Variants in FHIT observed in about 807,000 individuals in gnomAD.
FHIT encodes fragile histidine triad diadenosine triphosphatase.
A neutral mutation model predicts 17.9 loss-of-function variants in FHIT; 19 were observed. That is an observed-to-expected ratio of 1.06 (90% CI 0.74 to 1.56). The LOEUF is 1.56. FHIT is among the 40% of genes most tolerant of loss of function. The pLI is 0.00. For synonymous variants in FHIT, 81 were observed against 69.7 expected, an observed-to-expected ratio of 1.16 and a Z score of -0.81; for missense variants, 248 against 189.2, an observed-to-expected ratio of 1.31 and a Z score of -1.82.
intron 5 of FHIT, among the ~76,000 whole-genome samples, chr3:60,138,948 G>A (rs1048851625): frequency 5.3e-5 from 8 of 152,050 alleles, no homozygotes; most frequent in South Asian, 2.1e-4. Context: ...CAAAATAAAC[G>A]CTCTATCCAC....
chr3:60,119,587 T>C (rs754853327), intron 5 of FHIT, among the ~76,000 whole-genome samples: 1 of 152,042 alleles, frequency 6.6e-6, no homozygotes, highest in South Asian at 2.1e-4. Context: ...TTCTATGAAT[T>C]AATTTTGTCC....
chr3:59,794,891 A>C (rs1358915044), intron 8 of FHIT, among the ~76,000 whole-genome samples: 1 of 152,186 alleles, frequency 6.6e-6, no homozygotes, highest in Non-Finnish European at 1.5e-5. Flanking sequence ...TAGACTCTGC[A>C]GTTAAACCTC....
chr3:60,531,523 C>T (rs138912673), intron 5 of FHIT, among the ~76,000 whole-genome samples: 18,054 of 151,966 alleles, frequency 0.12, 1,376 homozygotes, highest in African/African-American at 0.22. Flanking sequence ...CGTGATCCGC[C>T]CGCCTCGGCC....
chr3:60,312,089 T>C (rs1367837443), intron 5 of FHIT, among the ~76,000 whole-genome samples: 1 of 152,186 alleles, frequency 6.6e-6, no homozygotes, highest in African/African-American at 2.4e-5. Context: ...CACTGTTTGG[T>C]GAAACCTTTA....
At chr3:60,503,698 A>T (rs2034612328) in intron 5 of FHIT, among the ~76,000 whole-genome samples, 1 of 152,238 alleles carries the variant, frequency 6.6e-6, no homozygotes, top group South Asian at 2.1e-4. Flanking sequence ...CATTAACTTT[A>T]AACAATAAGA....
intron 3 of FHIT, among the ~76,000 whole-genome samples, chr3:60,913,978 G>T (rs1051895830): frequency 6.6e-6 from 1 of 152,172 alleles, no homozygotes; most frequent in Non-Finnish European, 1.5e-5. Flanking sequence ...TCTGTTGATC[G>T]AATTGAGTCA....
intron 4 of FHIT, among the ~76,000 whole-genome samples, chr3:60,789,245 T>C (rs1553727884): frequency 6.6e-6 from 1 of 151,128 alleles, no homozygotes; most frequent in Non-Finnish European, 1.5e-5. Context: ...GTTGGCCAGG[T>C]GCTGTGGCTC....
chr3:60,218,728 G>A (rs1467385666), intron 5 of FHIT, among the ~76,000 whole-genome samples: 2 of 152,010 alleles, frequency 1.3e-5, no homozygotes, highest in Admixed American at 6.6e-5. Context: ...TTTTCTAAGA[G>A]CTTAGAAATC....
intron 8 of FHIT, among the ~76,000 whole-genome samples, chr3:59,820,290 G>T (rs962534238): frequency 6.6e-6 from 1 of 152,204 alleles, no homozygotes; most frequent in African/African-American, 2.4e-5. Flanking sequence ...TTCGGCAAAT[G>T]ATCATCCTCT....
chr3:61,185,134 A>T (rs1463836752), intron 2 of FHIT, among the ~76,000 whole-genome samples: 3 of 152,206 alleles, frequency 2.0e-5, no homozygotes, highest in African/African-American at 7.2e-5. Context: ...TCTGTGTAGC[A>T]TATGTTCATA....
chr3:60,199,052 G>A (rs1016956511), intron 5 of FHIT, among the ~76,000 whole-genome samples: 2 of 152,148 alleles, frequency 1.3e-5, no homozygotes, highest in African/African-American at 4.8e-5. Flanking sequence ...TCACGCTATT[G>A]TTAGAAGTGG....
intron 5 of FHIT, among the ~76,000 whole-genome samples, chr3:60,324,678 AG>A (rs1319171032): frequency 6.6e-6 from 1 of 152,214 alleles, no homozygotes; most frequent in Non-Finnish European, 1.5e-5. Context: ...TATGAACAAA[AG>A]GCAGAAAAAG....
intron 1 of FHIT, among the ~76,000 whole-genome samples, chr3:61,219,714 T>G (rs964167438): frequency 6.6e-6 from 1 of 152,122 alleles, no homozygotes; most frequent in African/African-American, 2.4e-5. Flanking sequence ...GAAATAAACA[T>G]GGAAGTAGAG....
intron 5 of FHIT, among the ~76,000 whole-genome samples, chr3:60,379,816 G>C (rs1009331397): frequency 6.6e-6 from 1 of 152,122 alleles, no homozygotes; most frequent in Non-Finnish European, 1.5e-5. Flanking sequence ...ATGAAATTGA[G>C]GGAGACTGAT....
chr3:60,022,190 T>C (rs1051589919), intron 5 of FHIT, among the ~76,000 whole-genome samples: 1 of 148,966 alleles, frequency 6.7e-6, no homozygotes, highest in African/African-American at 2.5e-5. Context: ...TTTTCTGTTT[T>C]TTCAAACAAA....
At chr3:60,907,144 A>G (rs781794680) in intron 3 of FHIT, among the ~76,000 whole-genome samples, 34 of 152,148 alleles carry the variant, frequency 2.2e-4, no homozygotes, top group Admixed American at 1.8e-3. Context: ...AAAACACAAA[A>G]CAAAAAAAAA....
intron 5 of FHIT, among the ~76,000 whole-genome samples, chr3:60,361,278 G>A (rs1240410520): frequency 7.2e-5 from 11 of 152,254 alleles, no homozygotes; most frequent in African/African-American, 2.6e-4. Flanking sequence ...TAGGTTGAAC[G>A]AGACAAAATC....
At chr3:60,896,010 G>T (rs1270998303) in intron 3 of FHIT, among the ~76,000 whole-genome samples, 1 of 151,846 alleles carries the variant, frequency 6.6e-6, no homozygotes, top group Admixed American at 6.6e-5. Context: ...GTGAGCAGCG[G>T]GCAGGGGAAC....
chr3:60,033,815 A>C (rs1194070872), intron 5 of FHIT, among the ~76,000 whole-genome samples: 3 of 152,198 alleles, frequency 2.0e-5, no homozygotes, highest in Non-Finnish European at 4.4e-5. Flanking sequence ...GGGTACAGTG[A>C]CCAACACATA....
Sources: allele counts gnomAD v4.1 joint callset (sites outside exome capture counted in the v4.1 genomes callset), GRCh38; gene constraint gnomAD v4.1.1; transcripts MANE v1.5; gene names NCBI Gene and HGNC (gene_info 2026-07-23, HGNC 2026-07-21).